Variants in FAM89A observed in about 807,000 individuals in gnomAD.
FAM89A encodes protein FAM89A.
Under a neutral mutation model 7.1 loss-of-function variants are expected in FAM89A, and 10 were observed. The ratio of observed to expected loss-of-function variants is 1.40; its 90% CI spans 0.86 to 2.38. The LOEUF (loss-of-function observed/expected upper bound fraction) is 2.38. Ranked by LOEUF, FAM89A falls within the 30% of genes most tolerant of loss-of-function variation. FAM89A has a pLI of 0.00. For synonymous variants in FAM89A, 157 were observed against 129.3 expected, an observed-to-expected ratio of 1.21 and a Z score of -1.45; for missense variants, 276 against 262.8, an observed-to-expected ratio of 1.05 and a Z score of -0.35.
In FAM89A at chr1:231,040,008, G is replaced by T; in HGVS notation, c.204C>A (p.Gly68=). The stretch of plus-strand genomic sequence containing the variant: ...CCGCCCGGGCCCCGCCGCCGCCCGG[G>T]CCCCCGCGGCTCAGCTCGTCCTGGA... ...SRIQDELSRG[G]PGGGGARAAA... Residue 68 remains glycine (G), a synonymous_variant, in exon 1 of 2, where the codon GGC becomes GGA. Coordinates refer to ENST00000366654, the MANE Select transcript of FAM89A (RefSeq NM_198552.3). The T allele has an allele frequency of 4.2e-6, 6 of 1,414,070 alleles. No homozygotes were observed. Among genetic ancestry groups the T allele is most frequent in the Non-Finnish European group, 5.5e-6 (6 of 1,087,898 alleles). The allele number at this position is 1,414,070 out of a possible 1,614,324, so 87.6% of individuals were successfully genotyped here.
At chr1:231,028,157 C>A (rs562726936) in intron 1 of FAM89A, among the ~76,000 whole-genome samples, 275 of 152,336 alleles carry the variant, frequency 1.8e-3, no homozygotes, top group Non-Finnish European at 3.5e-3. Flanking sequence ...GACCCTCTGG[C>A]TGCATCCCTC....
chr1:231,035,096 G>A (rs1230941335), intron 1 of FAM89A, among the ~76,000 whole-genome samples: 5 of 152,144 alleles, frequency 3.3e-5, no homozygotes, highest in Non-Finnish European at 7.3e-5. Flanking sequence ...AACTTCCTCT[G>A]TAAGACACTG....
At position 231,040,154 on chromosome 1, in the gene FAM89A, G is replaced by A; in HGVS notation, c.58C>T (p.Arg20Trp). 7.7e-7 allele frequency: 1 copy of A among 1,298,578 alleles called. No individual in the cohort carries two copies. The highest frequency in any genetic ancestry group is 9.8e-7 in the Non-Finnish European group (1 of 1,016,362). 80.4% of individuals were successfully genotyped at this position (1,298,578 alleles called of 1,614,324 possible). A position where few individuals can be genotyped will look rare whatever the true frequency, so the allele number is the denominator to read the frequency against. ...GGCAGCGGGGGCAGCCCGTCCACCC[G>A]CAGCCCCCGGACCGCGCCGTTGCCC... ...AAGNGAVRGL[R>W]VDGLPPLPKS... The change falls in exon 1 of 2, where the codon CGG becomes TGG. Residue 20 changes from arginine (R) to tryptophan (W), a missense_variant. Coordinates refer to ENST00000366654, the MANE Select transcript of FAM89A (RefSeq NM_198552.3).
chr1:231,035,035 T>A (rs986283782), intron 1 of FAM89A, among the ~76,000 whole-genome samples: 3 of 152,168 alleles, frequency 2.0e-5, no homozygotes, highest in Non-Finnish European at 2.9e-5. Context: ...AATCCCCTTA[T>A]TCTAAATGGC....
intron 1 of FAM89A, chr1:231,021,856 G>A: frequency 6.3e-7 from 1 of 1,593,746 alleles, no homozygotes; most frequent in South Asian, 1.1e-5. Context: ...ATGCTAGGAG[G>A]CTGCCCCAGG....
chr1:231,027,190 CAG>C (rs1450934827), intron 1 of FAM89A, among the ~76,000 whole-genome samples: 1 of 152,146 alleles, frequency 6.6e-6, no homozygotes, highest in Admixed American at 6.5e-5. Context: ...TTTCTCCTGA[CAG>C]TGCCATTTCC....
chr1:231,024,914 C>CTTTT (rs60500715), intron 1 of FAM89A, among the ~76,000 whole-genome samples: 8 of 63,410 alleles, frequency 1.3e-4, no homozygotes, highest in Non-Finnish European at 2.1e-4. Context: ...CACAACTACT[C>CTTTT]TTTTTTTTTT....
At chr1:231,022,404 T>C (rs1428553288) in intron 1 of FAM89A, among the ~76,000 whole-genome samples, 6 of 152,190 alleles carry the variant, frequency 3.9e-5, no homozygotes, top group Non-Finnish European at 7.3e-5. Context: ...GGTGGTCCAG[T>C]TCTAGAGTGA....
At chr1:231,025,923 C>T (rs1451176585) in intron 1 of FAM89A, 1 of 152,622 alleles carries the variant, frequency 6.6e-6, no homozygotes, top group Non-Finnish European at 1.5e-5. Flanking sequence ...TATTTATTAT[C>T]CTGTAAGCCT....
chr1:231,029,178 G>A (rs897517777), intron 1 of FAM89A, among the ~76,000 whole-genome samples: 1 of 152,304 alleles, frequency 6.6e-6, no homozygotes, highest in Middle Eastern at 3.4e-3. Flanking sequence ...AAAATGTTAA[G>A]ATTTTTTTAG....
At chr1:231,028,730 G>A (rs1327978904) in intron 1 of FAM89A, 1 of 152,212 alleles carries the variant, frequency 6.6e-6, no homozygotes, top group Non-Finnish European at 1.5e-5. Flanking sequence ...CAGCTTCCAT[G>A]GCCGTAAACT....
intron 1 of FAM89A, among the ~76,000 whole-genome samples, chr1:231,027,653 T>G (rs1461457090): frequency 6.6e-6 from 1 of 151,402 alleles, no homozygotes; most frequent in Non-Finnish European, 1.5e-5. Context: ...ACAGCGACAC[T>G]TAACATTTTC....
chr1:231,037,814 C>A (rs988359100), intron 1 of FAM89A, among the ~76,000 whole-genome samples: 5 of 152,128 alleles, frequency 3.3e-5, no homozygotes, highest in Non-Finnish European at 5.9e-5. Context: ...CCACACCACC[C>A]TGCTCCCTGT....
rs185126973 is a variant in FAM89A at position 231,022,366 on chromosome 1, C to T, written c.292-2240G>A. On this transcript the variant is annotated intron_variant, in intron 1 of 1. Coordinates refer to ENST00000366654, the MANE Select transcript of FAM89A (RefSeq NM_198552.3). ...TGATGCTATGGCGCTGGACCCAGGG[C>T]CCTCCCAGGCCATCTCTGTTCCTCT... 1.1e-3 allele frequency among the ~76,000 whole-genome samples: 165 copies of T among 152,332 alleles called. 6 individuals carry two copies. The South Asian group carries it at 0.034, about 31-fold the overall frequency.
chr1:231,037,518 T>C (rs925138615), intron 1 of FAM89A, among the ~76,000 whole-genome samples: 10 of 152,276 alleles, frequency 6.6e-5, no homozygotes, highest in East Asian at 1.9e-4. Flanking sequence ...GGGGACTCCA[T>C]CACCTCTCCC....
In FAM89A at chr1:231,039,989, G is replaced by T; in HGVS notation, c.223C>A (p.Arg75=). The change falls in exon 1 of 2, where the codon CGG becomes AGG. Residue 75 remains arginine, a synonymous_variant. Transcript: ENST00000366654. ...SRGGPGGGGA[R]AAALPAKPPN... ...GGCTTGGCGGGCAGCGCTGCCGCCC[G>T]GGCCCCGCCGCCGCCCGGGCCCCCG... 1 of 1,382,570 alleles carries T rather than the reference G, an allele frequency of 7.2e-7. No homozygotes were observed. The highest frequency in any genetic ancestry group is 9.3e-7 in the Non-Finnish European group (1 of 1,075,300). 85.6% of individuals were successfully genotyped at this position (1,382,570 alleles called of 1,614,324 possible).
At chr1:231,036,921 T>C (rs982772960) in intron 1 of FAM89A, among the ~76,000 whole-genome samples, 8 of 152,234 alleles carry the variant, frequency 5.3e-5, no homozygotes, top group African/African-American at 1.2e-4. Context: ...TGATTGATTA[T>C]TAAGCTTCAA....
At chr1:231,032,392 AC>A (rs1225972399) in intron 1 of FAM89A, among the ~76,000 whole-genome samples, 2 of 24,222 alleles carry the variant, frequency 8.3e-5, no homozygotes, top group African/African-American at 1.6e-4. Context: ...GCCAGCCCCC[AC>A]CCCCCACCCC....
rs1269579834 is a variant in FAM89A, at chr1:231,020,911, A to G, written c.292-785T>C. Among the ~76,000 whole-genome samples, 5 of 152,202 alleles carry G rather than the reference A, an allele frequency of 3.3e-5. No homozygotes were observed. In the South Asian group the frequency reaches 6.2e-4, roughly 19 times the overall value. On this transcript the variant is annotated intron_variant, in intron 1 of 1. Transcript: ENST00000366654. ...ATCCCAGAGAAAAGAGCACGGTCAC[A>G]GTCAGAACAGGAAATGCATCGTTTA... is the stretch of plus-strand genomic sequence containing the variant.
Sources: allele counts gnomAD v4.1 joint callset (sites outside exome capture counted in the v4.1 genomes callset), GRCh38; gene constraint gnomAD v4.1.1; transcripts MANE v1.5; gene names NCBI Gene and HGNC (gene_info 2026-07-23, HGNC 2026-07-21).